Variants in NAALADL2 observed in about 807,000 individuals in gnomAD.
NAALADL2 encodes the protein inactive N-acetylated-alpha-linked acidic dipeptidase-like protein 2.
NAALADL2 carries 76 observed loss-of-function variants against 87.2 expected under a neutral mutation model. The observed-to-expected ratio is 0.87, with a 90% CI of 0.72 to 1.05. The LOEUF is 1.05. Among genes scored for constraint, NAALADL2 ranks in the 50% least tolerant of loss-of-function variants. The pLI is 0.00. For synonymous variants in NAALADL2, 354 were observed against 331.0 expected (o/e 1.07, Z -0.75); for missense variants, 1,089 against 945.8 (o/e 1.15, Z -1.99).
intron 1 of NAALADL2, among the ~76,000 whole-genome samples, chr3:174,999,681 G>T (rs1032567336): frequency 6.6e-6 from 1 of 152,198 alleles, no homozygotes; most frequent in Non-Finnish European, 1.5e-5. Context: ...TACCTGATAA[G>T]TAGTTGCAGT....
intron 4 of NAALADL2, among the ~76,000 whole-genome samples, chr3:175,318,457 C>T (rs2110368439): frequency 6.6e-6 from 1 of 152,066 alleles, no homozygotes; most frequent in East Asian, 1.9e-4. Flanking sequence ...TATTTAGAAA[C>T]TTGCTGTCCA....
chr3:175,073,589 C>T (rs1716047007), intron 1 of NAALADL2, among the ~76,000 whole-genome samples: 1 of 151,762 alleles, frequency 6.6e-6, no homozygotes, highest in African/African-American at 2.4e-5. Context: ...TTTTTTTAAC[C>T]TTGTTACTGG....
intron 2 of NAALADL2, among the ~76,000 whole-genome samples, chr3:174,563,666 G>C (rs1713897849): frequency 6.6e-6 from 1 of 151,538 alleles, no homozygotes; most frequent in Admixed American, 6.6e-5. Flanking sequence ...TTTATTTTCT[G>C]ATCCCTAAGT....
intron 12 of NAALADL2, among the ~76,000 whole-genome samples, chr3:175,745,798 TAATC>T (rs1341096062): frequency 6.6e-6 from 1 of 152,174 alleles, no homozygotes; most frequent in Non-Finnish European, 1.5e-5. Context: ...AAGCGCATAA[TAATC>T]TTACTAAATT....
At chr3:174,959,483 G>C (rs1437225583) in intron 1 of NAALADL2, among the ~76,000 whole-genome samples, 1 of 152,026 alleles carries the variant, frequency 6.6e-6, no homozygotes, top group Admixed American at 6.6e-5. Context: ...CTAGTGCGGT[G>C]AGTTCACAAA....
Position 175,755,076 on chromosome 3 carries a change from AAG to A in NAALADL2, c.1991-134_1991-133del, listed in dbSNP as rs373617846. On this transcript the variant is annotated intron_variant, in intron 12 of 13. Coordinates refer to ENST00000454872, the MANE Select transcript of NAALADL2 (RefSeq NM_207015.3). ...TTGCTTTTGTCAAGTGACAAAAAAAAAGAGAGAGAGAACTGTCAATGACAATT... is the reference window on the plus strand; with the variant it reads ...TTGCTTTTGTCAAGTGACAAAAAAAAAGAGAGAGAACTGTCAATGACAATT... 99 of 631,728 alleles carry A rather than the reference AAG, an allele frequency of 1.6e-4. 3 individuals are homozygous for A. Among genetic ancestry groups the A allele is most frequent in the South Asian group, 1.5e-3 (61 of 41,046 alleles). 39.1% of individuals were successfully genotyped at this position (631,728 alleles called of 1,614,324 possible). A position where few individuals can be genotyped will look rare whatever the true frequency, so the allele number is the denominator to read the frequency against.
chr3:175,368,694 G>T (rs1766020650), intron 5 of NAALADL2, among the ~76,000 whole-genome samples: 2 of 151,900 alleles, frequency 1.3e-5, no homozygotes, highest in African/African-American at 2.4e-5. Context: ...CTTCATTGTT[G>T]AGAGAACATC....
At chr3:175,498,401 A>G (rs1338717280) in intron 9 of NAALADL2, among the ~76,000 whole-genome samples, 1 of 152,086 alleles carries the variant, frequency 6.6e-6, no homozygotes, top group Non-Finnish European at 1.5e-5. Flanking sequence ...TCCCCAGTCC[A>G]AGAAGTCTTT....
At chr3:174,573,513 G>T (rs967647685) in intron 2 of NAALADL2, among the ~76,000 whole-genome samples, 1 of 152,122 alleles carries the variant, frequency 6.6e-6, no homozygotes, top group African/African-American at 2.4e-5. Context: ...ATCTAAGGCT[G>T]GGTAATTTAT....
chr3:174,750,472 C>T (rs1734719140), intron 3 of NAALADL2, among the ~76,000 whole-genome samples: 1 of 151,716 alleles, frequency 6.6e-6, no homozygotes, highest in Admixed American at 6.6e-5. Flanking sequence ...CTGCTGTTGC[C>T]CAGGCTGGCA....
At chr3:175,553,458 T>C (rs1202237900) in intron 9 of NAALADL2, among the ~76,000 whole-genome samples, 2 of 152,218 alleles carry the variant, frequency 1.3e-5, no homozygotes, top group Non-Finnish European at 2.9e-5. Flanking sequence ...GTGTCTTCTC[T>C]GTGAAATCTC....
chr3:174,888,595 AG>A (rs1298727355), intron 1 of NAALADL2, among the ~76,000 whole-genome samples: 6 of 152,216 alleles, frequency 3.9e-5, no homozygotes, highest in Admixed American at 2.6e-4. Context: ...ACCCTAAGAG[AG>A]AGCCTGGTAT....
chr3:175,510,591 A>T (rs1731023297), intron 9 of NAALADL2, among the ~76,000 whole-genome samples: 1 of 152,232 alleles, frequency 6.6e-6, no homozygotes, highest in African/African-American at 2.4e-5. Flanking sequence ...TAATTTCCAA[A>T]GTCTTCCTTT....
intron 1 of NAALADL2, among the ~76,000 whole-genome samples, chr3:174,979,120 T>C (rs980719641): frequency 3.3e-5 from 5 of 152,044 alleles, no homozygotes; most frequent in African/African-American, 1.2e-4. Flanking sequence ...CAGAATTTCT[T>C]AGTAAATTGG....
intron 1 of NAALADL2, among the ~76,000 whole-genome samples, chr3:175,067,275 C>T (rs146093464): frequency 6.6e-5 from 10 of 151,992 alleles, no homozygotes; most frequent in South Asian, 2.1e-4. Flanking sequence ...GCTTTGGCAC[C>T]GCAAAAGAAG....
chr3:175,078,521 G>A (rs1430255979), intron 1 of NAALADL2, among the ~76,000 whole-genome samples: 4 of 152,132 alleles, frequency 2.6e-5, no homozygotes, highest in Admixed American at 2.6e-4. Flanking sequence ...GATCCAATCA[G>A]TTGTAGAACA....
intron 6 of NAALADL2, among the ~76,000 whole-genome samples, chr3:175,449,394 CTT>C (rs1185888984): frequency 1.0e-4 from 5 of 48,522 alleles, no homozygotes; most frequent in Admixed American, 2.8e-4. Flanking sequence ...TAATTTTCTT[CTT>C]TTTTTTTTTT....
chr3:174,905,097 A>G (rs1477739746), intron 1 of NAALADL2, among the ~76,000 whole-genome samples: 1 of 151,876 alleles, frequency 6.6e-6, no homozygotes, highest in East Asian at 1.9e-4. Context: ...ATATTTAAAA[A>G]TATAAATCGT....
intron 11 of NAALADL2, among the ~76,000 whole-genome samples, chr3:175,735,081 G>C (rs1039423513): frequency 6.6e-6 from 1 of 152,112 alleles, no homozygotes. Context: ...CTGCTACTTA[G>C]AAATTTCTTC....
Sources: allele counts gnomAD v4.1 joint callset (sites outside exome capture counted in the v4.1 genomes callset), GRCh38; gene constraint gnomAD v4.1.1; transcripts MANE v1.5; gene names NCBI Gene and HGNC (gene_info 2026-07-23, HGNC 2026-07-21).